The following DHX8 variants were observed in gnomAD, a reference collection of about 807,000 sequenced individuals.
DHX8 encodes ATP-dependent RNA helicase DHX8.
DHX8 carries 67 observed loss-of-function variants against 140.7 expected under a neutral mutation model. That is an observed-to-expected ratio of 0.48 (90% CI 0.39 to 0.58). The LOEUF (loss-of-function observed/expected upper bound fraction) is 0.58, where lower values mean the gene tolerates loss of function less well. Ranked by LOEUF, DHX8 falls within the 20% of genes least tolerant of loss-of-function variation. DHX8 has a pLI of 0.00. For missense variants in DHX8, 887 were observed against 1,550.7 expected (o/e 0.57, Z 7.19); for synonymous variants, 533 against 553.2 (o/e 0.96, Z 0.51).
At chr17:43,527,225 G>A (rs573036027), downstream of DHX8, among the ~76,000 whole-genome samples, 12 of 152,254 alleles carry the variant, frequency 7.9e-5, no homozygotes, top group African/African-American at 2.4e-4. Flanking sequence ...GGAGAATCTA[G>A]GTGTTTCCCA....
chr17:43,488,589 C>T (rs540646483), intron 1 of DHX8, among the ~76,000 whole-genome samples: 43 of 148,956 alleles, frequency 2.9e-4, no homozygotes, highest in Non-Finnish European at 5.8e-4. Context: ...CCAGCCTGGG[C>T]GACAGAGCCA....
chr17:43,523,484 T>A (rs1970488803), intron 22 of DHX8, 144 bp from the exon 23 acceptor site: 1 of 1,314,342 alleles, frequency 7.6e-7, no homozygotes. Context: ...GTGGCTGTCA[T>A]AAACAGACTG....
chr17:43,494,194 GACTT>G (rs1968707116), intron 8 of DHX8, among the ~76,000 whole-genome samples: 1 of 152,176 alleles, frequency 6.6e-6, no homozygotes, highest in African/African-American at 2.4e-5. Context: ...GATCTCATGA[GACTT>G]ACTCACTATC....
chr17:43,528,426 G>C, downstream of DHX8: 1 of 853,538 alleles, frequency 1.2e-6, no homozygotes, highest in South Asian at 1.8e-5. Context: ...AGAGACATCT[G>C]TGGGTTTCAG....
chr17:43,522,054 CT>C lies in DHX8; in HGVS notation c.3272del (p.Leu1091ArgfsTer37). On this transcript the variant is annotated frameshift_variant, in exon 22 of 23. Transcript: ENST00000262415. LOFTEE classifies it high-confidence loss of function. Reference sequence around the variant, plus strand: ...TTTGTCCTATCTTGATAGACACAAGCTGGATGTTGTTTCCTGTGGCAAGTCC... The same window carrying C: ...TTTGTCCTATCTTGATAGACACAAGCGGATGTTGTTTCCTGTGGCAAGTCC... ...QMLGIMDRHK[L>X]DVVSCGKSTV... 3 of 1,613,762 alleles carry C rather than the reference CT, an allele frequency of 1.9e-6. No individual in the cohort carries two copies. Among genetic ancestry groups the C allele is most frequent in the Non-Finnish European group, 2.5e-6 (3 of 1,179,812 alleles).
At chr17:43,517,907 T>G (rs1970192499) in intron 18 of DHX8, 1 of 152,308 alleles carries the variant, frequency 6.6e-6, no homozygotes, top group African/African-American at 2.4e-5. Context: ...CCTGGTACTT[T>G]CTGGTGCAGA....
chr17:43,534,833 C>T (rs933101969), intron 2 of DHX8, among the ~76,000 whole-genome samples: 13 of 152,156 alleles, frequency 8.5e-5, no homozygotes, highest in African/African-American at 2.7e-4. Context: ...CCCAGCTACT[C>T]GGGAGGCTGA....
chr17:43,526,202 C>T (rs1268770729), downstream of DHX8: 6 of 985,254 alleles, frequency 6.1e-6, no homozygotes, highest in Admixed American at 6.1e-5. Flanking sequence ...GCCCTTGTTT[C>T]TCTTCCTTGA....
Position 43,524,621 on chromosome 17 carries a change from T to C in DHX8, c.*774T>C, listed in dbSNP as rs1970540350. ...GTGGCTACAGATGGCACATATTAAA[T>C]ACAGAAGGTTTCCCCTTGCTCCCTC... On this transcript the variant is annotated 3_prime_UTR_variant, in exon 23 of 23. Transcript: ENST00000262415. 2 of 985,396 alleles carry C rather than the reference T, an allele frequency of 2.0e-6. No individual in the cohort carries two copies. Among genetic ancestry groups the C allele is most frequent in the African/African-American group, 3.5e-5 (2 of 57,248 alleles). The allele number at this position is 985,396 out of a possible 1,614,324, so 61.0% of individuals were successfully genotyped here.
At chr17:43,513,274 T>C in intron 16 of DHX8, 88 bp from the exon 17 acceptor site, 1 of 1,421,488 alleles carries the variant, frequency 7.0e-7, no homozygotes, top group Non-Finnish European at 9.5e-7. Flanking sequence ...CATATTCCTT[T>C]GGGAAGATAT....
intron 1 of DHX8, among the ~76,000 whole-genome samples, chr17:43,487,598 C>G (rs1397224072): frequency 6.6e-6 from 1 of 152,146 alleles, no homozygotes; most frequent in Non-Finnish European, 1.5e-5. Flanking sequence ...GAGCAATCTG[C>G]CCACCACAAC....
intron 14 of DHX8, 23 bp from the exon 15 acceptor site, chr17:43,507,786 A>C: frequency 1.2e-6 from 2 of 1,613,958 alleles, no homozygotes; most frequent in East Asian, 4.5e-5. Context: ...CTTTTCAGTA[A>C]GCCACATAAT....
chr17:43,495,394 T>G (rs963663455), intron 8 of DHX8, among the ~76,000 whole-genome samples: 1 of 152,176 alleles, frequency 6.6e-6, no homozygotes, highest in African/African-American at 2.4e-5. Context: ...TCCTCTCATC[T>G]CAGCTTCCCA....
chr17:43,517,618 T>C lies in DHX8; in HGVS notation c.2799+296T>C, dbSNP rs182954974. 1.3e-3 allele frequency: 413 copies of C among 309,174 alleles called. 3 individuals carry two copies. Among genetic ancestry groups the C allele is most frequent in the Middle Eastern group, 5.0e-3 (5 of 998 alleles). 19.2% of individuals were successfully genotyped at this position (309,174 alleles called of 1,614,324 possible). On this transcript the variant is annotated intron_variant, in intron 18 of 22. Transcript: ENST00000262415. The stretch of plus-strand genomic sequence containing the variant: ...AAGGAAATTAGAAAAATATAATCAA[T>C]GCCAAACTGTGGACACACACACCTA...
At chr17:43,520,007 C>G in intron 18 of DHX8, 123 bp from the exon 19 acceptor site, 1 of 1,064,612 alleles carries the variant, frequency 9.4e-7, no homozygotes, top group Non-Finnish European at 1.4e-6. Context: ...TACCGCCAGT[C>G]TCACCGGTGG....
intron 1 of DHX8, among the ~76,000 whole-genome samples, chr17:43,486,774 A>G (rs1193008441): frequency 6.6e-6 from 1 of 151,020 alleles, no homozygotes; most frequent in African/African-American, 2.4e-5. Flanking sequence ...GCTACTCAGG[A>G]GGCTGAGGCA....
Position 43,525,530 on chromosome 17 carries a change from ATT to A in DHX8, c.*1684_*1685del. On this transcript the variant is annotated 3_prime_UTR_variant, in exon 23 of 23. Coordinates refer to ENST00000262415, the MANE Select transcript of DHX8 (RefSeq NM_004941.3). ...CAGGCCAGTAATCAAGGGGCAGGGC[ATT>A]GTTGTGTGTTAACCTTGAAGGCCTT... 1.0e-6 allele frequency: 1 copy of A among 985,438 alleles called. No homozygotes were observed. Among genetic ancestry groups the A allele is most frequent in the Non-Finnish European group, 1.2e-6 (1 of 829,970 alleles). 61.0% of individuals were successfully genotyped at this position (985,438 alleles called of 1,614,324 possible). A position where few individuals can be genotyped will look rare whatever the true frequency, so the allele number is the denominator to read the frequency against.
In DHX8 at chr17:43,513,466, A is replaced by G; in HGVS notation, c.2607A>G (p.Thr869=). 6.2e-7 allele frequency: 1 copy of G among 1,614,000 alleles called. No individual in the cohort carries two copies. The highest frequency in any genetic ancestry group is 1.7e-5 in the Admixed American group (1 of 60,006). Residue 869 remains threonine (T), a synonymous_variant, in exon 17 of 23, where the codon ACA becomes ACG. Coordinates refer to ENST00000262415, the MANE Select transcript of DHX8 (RefSeq NM_004941.3). ...FVKQKVYNSK[T]GIDQLVVTPI... is the part of the protein sequence containing the mutation. ...AACAGAAAGTTTACAATTCCAAGAC[A>G]GGGATTGACCAGCTCGTGGTGACGC...
intron 3 of DHX8, among the ~76,000 whole-genome samples, chr17:43,542,122 G>T (rs1383639978): frequency 1.3e-5 from 2 of 152,180 alleles, no homozygotes; most frequent in Non-Finnish European, 2.9e-5. Context: ...GGAGCCCTTG[G>T]AGGAGGGTTG....
Sources: allele counts gnomAD v4.1 joint callset (sites outside exome capture counted in the v4.1 genomes callset), GRCh38; gene constraint gnomAD v4.1.1; transcripts MANE v1.5; gene names NCBI Gene and HGNC (gene_info 2026-07-23, HGNC 2026-07-21).